Variants in STRBP observed in about 807,000 individuals in gnomAD.
STRBP encodes spermatid perinuclear RNA binding protein.
STRBP carries 13 observed loss-of-function variants against 80.1 expected under a neutral mutation model. The observed-to-expected ratio is 0.16, with a 90% confidence interval of 0.11 to 0.26. STRBP has a LOEUF of 0.26. STRBP is among the 10% of genes least tolerant of loss of function. The probability of loss-of-function intolerance (pLI) is 1.00; values close to 1 mark genes in which losing one functional copy is unlikely to be tolerated. For synonymous variants in STRBP, 284 were observed against 291.2 expected (o/e 0.98, Z 0.25); for missense variants, 485 against 815.2 (o/e 0.59, Z 4.93).
intron 13 of STRBP, among the ~76,000 whole-genome samples, chr9:123,146,561 G>C (rs1011061713): frequency 6.8e-6 from 1 of 147,150 alleles, no homozygotes; most frequent in South Asian, 2.2e-4. Context: ...AATAGAAAAT[G>C]ATGGGAAATA....
Position 123,115,691 on chromosome 9 carries a change from T to G in STRBP, c.*84+238A>C. 1 of 336,182 alleles carries G rather than the reference T, an allele frequency of 3.0e-6. No homozygotes were observed. The highest frequency in any genetic ancestry group is 2.4e-5 in the South Asian group (1 of 41,132). 20.8% of individuals were successfully genotyped at this position (336,182 alleles called of 1,614,324 possible). A position where few individuals can be genotyped will look rare whatever the true frequency, so the allele number is the denominator to read the frequency against. ...GTCTTGGCAGCATCACCAGTCAACA[T>G]CAGAGTTCGTCCAAACTGACATTCC... On this transcript the variant is annotated intron_variant and NMD_transcript_variant, in intron 3 of 3. Transcript: ENST00000471564. This position sits in a 1 kb window ranked among gnomAD's most constrained non-coding sequence, Gnocchi z 5.0.
intron 8 of STRBP, among the ~76,000 whole-genome samples, chr9:123,159,624 C>T (rs1219089632): frequency 1.3e-5 from 2 of 152,140 alleles, no homozygotes; most frequent in Non-Finnish European, 2.9e-5. Flanking sequence ...AATAATAAGA[C>T]TTCGTTTCAG....
chr9:123,154,358 C>A (rs2037188194), intron 11 of STRBP, among the ~76,000 whole-genome samples: 1 of 152,160 alleles, frequency 6.6e-6, no homozygotes, highest in Non-Finnish European at 1.5e-5. Context: ...GGACCCATTT[C>A]TGGAAAGTTC....
intron 8 of STRBP, among the ~76,000 whole-genome samples, chr9:123,159,748 T>C (rs1246311857): frequency 6.6e-6 from 1 of 152,230 alleles, no homozygotes; most frequent in Non-Finnish European, 1.5e-5. Context: ...ATTTATAAAA[T>C]GATCTTTCAC....
At chr9:123,117,649 A>G (rs1291366103), downstream of STRBP, among the ~76,000 whole-genome samples, 1 of 152,140 alleles carries the variant, frequency 6.6e-6, no homozygotes, top group African/African-American at 2.4e-5. Context: ...TCGTCCAGGG[A>G]CACCCCCTTG....
chr9:123,141,551 G>A (rs2132335956), intron 13 of STRBP, among the ~76,000 whole-genome samples: 1 of 152,220 alleles, frequency 6.6e-6, no homozygotes, highest in Admixed American at 6.5e-5. Flanking sequence ...AGCCAACACA[G>A]GCTGCAAGTC....
intron 5 of STRBP, 77 bp downstream of exon 5, chr9:123,173,600 T>G: frequency 6.8e-7 from 1 of 1,470,182 alleles, no homozygotes; most frequent in Non-Finnish European, 9.1e-7. Flanking sequence ...GCAATTCTGG[T>G]TAATAATTTT....
downstream of STRBP, among the ~76,000 whole-genome samples, chr9:123,117,027 T>G (rs2132279636): frequency 6.6e-6 from 1 of 152,262 alleles, no homozygotes; most frequent in African/African-American, 2.4e-5. Context: ...TGGAGAGATC[T>G]CTGGGCTCTA....
At chr9:123,169,847 A>C in intron 6 of STRBP, 55 bp downstream of exon 6, 1 of 1,098,484 alleles carries the variant, frequency 9.1e-7, no homozygotes, top group Non-Finnish European at 1.2e-6. Context: ...TATATGAAGA[A>C]AACAAACAAC....
At position 123,183,418 on chromosome 9, in the gene STRBP, C is replaced by G. The variant is rs191978260; in HGVS notation, c.3+714G>C. Among the ~76,000 whole-genome samples the G allele has an allele frequency of 7.3e-5, 11 of 151,084 alleles. No homozygotes were observed. In the East Asian group the frequency reaches 1.9e-3, roughly 27 times the overall value. ...CGCCATTGCATTCCAGCCCGGGCAA[C>G]AGGGTGAGACTCCGTCTTTAAAAAA... On this transcript the variant is annotated intron_variant, in intron 3 of 18. Coordinates refer to ENST00000348403, the MANE Select transcript of STRBP (RefSeq NM_018387.5).
intron 2 of STRBP, among the ~76,000 whole-genome samples, chr9:123,217,695 G>C (rs1258693838): frequency 6.6e-6 from 1 of 152,186 alleles, no homozygotes; most frequent in African/African-American, 2.4e-5. Context: ...TTTCAATAAA[G>C]GCATTTGATA....
At chr9:123,120,482 C>T (rs1164926313), downstream of STRBP, among the ~76,000 whole-genome samples, 8 of 5,386 alleles carry the variant, frequency 1.5e-3, 2 homozygotes, top group South Asian at 5.6e-3. Context: ...TAATTGCGGG[C>T]GGGGGGGTGG....
chr9:123,121,066 G>A (rs2035725080), downstream of STRBP, among the ~76,000 whole-genome samples: 1 of 152,186 alleles, frequency 6.6e-6, no homozygotes, highest in African/African-American at 2.4e-5. Flanking sequence ...GTACCCAGAA[G>A]AGGACCTGGT....
chr9:123,231,249 C>T (rs1185914155), intron 2 of STRBP, among the ~76,000 whole-genome samples: 1 of 152,134 alleles, frequency 6.6e-6, no homozygotes, highest in Non-Finnish European at 1.5e-5. Flanking sequence ...GCCTATACTC[C>T]TCTATTGCAC....
chr9:123,116,214 T>C (rs549323249), intron 2 of STRBP: 2 of 410,336 alleles, frequency 4.9e-6, no homozygotes, highest in African/African-American at 2.1e-5. Flanking sequence ...GTGACGGTGA[T>C]CCCATGGGTT....
In STRBP at chr9:123,234,114, T is replaced by C. The variant is rs552369843; in HGVS notation, c.-165+2716A>G. ...TACTCAGGAGGCTGAGGCAGGAGAA[T>C]GGCATGAACCCGGGAGGCAGAGTTT... On this transcript the variant is annotated intron_variant, in intron 2 of 18. Transcript: ENST00000348403. 3.1e-3 allele frequency among the ~76,000 whole-genome samples: 458 copies of C among 146,236 alleles called. 2 individuals are homozygous for C. Among genetic ancestry groups the C allele is most frequent in the African/African-American group, 0.011 (431 of 39,214 alleles).
chr9:123,111,608 G>A (rs749436343), intron 3 of STRBP: 1 of 477,824 alleles, frequency 2.1e-6, no homozygotes, highest in Non-Finnish European at 4.3e-6. Flanking sequence ...ACAGACAAGA[G>A]CCTTCCTATG....
intron 1 of STRBP, among the ~76,000 whole-genome samples, chr9:123,238,556 A>G (rs1355793971): frequency 6.6e-6 from 1 of 152,224 alleles, no homozygotes; most frequent in Non-Finnish European, 1.5e-5. Context: ...AGAACAGTAC[A>G]TTGTACTAGG....
At chr9:123,130,842 A>G (rs920113247) in intron 17 of STRBP, among the ~76,000 whole-genome samples, 4 of 152,052 alleles carry the variant, frequency 2.6e-5, no homozygotes, top group African/African-American at 9.7e-5. Context: ...TATATTCAAT[A>G]CACCAATTTT....
Sources: allele counts gnomAD v4.1 joint callset (sites outside exome capture counted in the v4.1 genomes callset), GRCh38; gene constraint gnomAD v4.1.1; non-coding constraint Gnocchi (gnomAD v3.1); transcripts MANE v1.5; gene names NCBI Gene and HGNC (gene_info 2026-07-23, HGNC 2026-07-21).